SLC25A21: variants seen among roughly 807,000 people sequenced by gnomAD.
SLC25A21 encodes mitochondrial 2-oxodicarboxylate carrier.
Under a neutral mutation model 43.8 loss-of-function variants are expected in SLC25A21, and 47 were observed. The ratio of observed to expected loss-of-function variants is 1.07; its 90% confidence interval spans 0.85 to 1.37. The LOEUF is 1.37. Among genes scored for constraint, SLC25A21 ranks in the 40% most tolerant of loss-of-function variants. SLC25A21 has a pLI of 0.00. For synonymous variants in SLC25A21, 131 were observed against 121.3 expected, an observed-to-expected ratio of 1.08 and a Z score of -0.52; for missense variants, 352 against 350.2, an observed-to-expected ratio of 1.00 and a Z score of -0.04.
At chr14:37,148,356 A>G (rs1963703721) in intron 1 of SLC25A21, among the ~76,000 whole-genome samples, 1 of 152,200 alleles carries the variant, frequency 6.6e-6, no homozygotes, top group Non-Finnish European at 1.5e-5. Flanking sequence ...ATTGTATGTC[A>G]GATTTCTATT....
intron 1 of SLC25A21, among the ~76,000 whole-genome samples, chr14:37,013,466 T>C (rs1240459729): frequency 6.6e-6 from 1 of 152,202 alleles, no homozygotes; most frequent in Non-Finnish European, 1.5e-5. Context: ...AGTTTTCTCC[T>C]TAGCTTTCTG....
intron 1 of SLC25A21, among the ~76,000 whole-genome samples, chr14:36,887,836 A>G (rs1164169404): frequency 6.6e-6 from 1 of 152,090 alleles, no homozygotes; most frequent in Non-Finnish European, 1.5e-5. Flanking sequence ...ACTTCTATGG[A>G]ATTAGTTTTC....
intron 1 of SLC25A21, among the ~76,000 whole-genome samples, chr14:37,107,291 C>T (rs1241344184): frequency 6.6e-6 from 1 of 152,142 alleles, no homozygotes; most frequent in South Asian, 2.1e-4. Flanking sequence ...AATCCTCCCA[C>T]CTCATTCTCC....
chr14:36,689,766 G>T (rs1195213231), intron 7 of SLC25A21, among the ~76,000 whole-genome samples: 2 of 152,196 alleles, frequency 1.3e-5, no homozygotes, highest in Non-Finnish European at 2.9e-5. Context: ...TCTGGGAATG[G>T]AGCCCAGCTA....
chr14:36,904,298 G>A (rs542202147), intron 1 of SLC25A21, among the ~76,000 whole-genome samples: 7 of 152,268 alleles, frequency 4.6e-5, no homozygotes, highest in Non-Finnish European at 8.8e-5. Context: ...GCAACTCAAA[G>A]GGCCATCTAG....
chr14:36,837,532 G>C (rs903890567), intron 2 of SLC25A21, among the ~76,000 whole-genome samples: 1 of 152,172 alleles, frequency 6.6e-6, no homozygotes, highest in African/African-American at 2.4e-5. Flanking sequence ...GGGTGACACT[G>C]AGGTTGAAAG....
chr14:37,036,827 A>G (rs1016263451), intron 1 of SLC25A21, among the ~76,000 whole-genome samples: 1 of 152,186 alleles, frequency 6.6e-6, no homozygotes, highest in African/African-American at 2.4e-5. Flanking sequence ...AGGGGAGAAG[A>G]AAGCCTGAGA....
chr14:36,885,016 C>T (rs79814381), intron 1 of SLC25A21, among the ~76,000 whole-genome samples: 2,628 of 152,212 alleles, frequency 0.017, 79 homozygotes, highest in African/African-American at 0.058. Flanking sequence ...GCTGCCTGCG[C>T]TTTTGGGGAT....
At chr14:37,043,550 T>G (rs1032025432) in intron 1 of SLC25A21, among the ~76,000 whole-genome samples, 12 of 152,160 alleles carry the variant, frequency 7.9e-5, no homozygotes, top group Non-Finnish European at 1.6e-4. Flanking sequence ...CCAGTTGCCT[T>G]TGCTTACTTG....
chr14:36,867,869 A>T (rs888394143), intron 2 of SLC25A21, among the ~76,000 whole-genome samples: 1 of 151,504 alleles, frequency 6.6e-6, no homozygotes, highest in Non-Finnish European at 1.5e-5. Flanking sequence ...TATTGCTCCT[A>T]TTTAAATATG....
At chr14:36,780,369 T>C (rs1221349142) in intron 3 of SLC25A21, among the ~76,000 whole-genome samples, 1 of 152,090 alleles carries the variant, frequency 6.6e-6, no homozygotes, top group Non-Finnish European at 1.5e-5. Flanking sequence ...TAGCTCCTAC[T>C]ACTTTTGCCC....
intron 3 of SLC25A21, among the ~76,000 whole-genome samples, chr14:36,785,475 C>G (rs1887214786): frequency 1.3e-5 from 2 of 152,112 alleles, no homozygotes; most frequent in Non-Finnish European, 1.5e-5. Flanking sequence ...TCTCATCTAC[C>G]CTGGAGGGAT....
Position 36,678,836 on chromosome 14 carries a change from G to A in SLC25A21, c.*1822C>T. 1 of 981,206 alleles carries A rather than the reference G, an allele frequency of 1.0e-6. No individual in the cohort carries two copies. Among genetic ancestry groups the A allele is most frequent in the East Asian group, 9.1e-5 (1 of 11,010 alleles). 60.8% of individuals were successfully genotyped at this position (981,206 alleles called of 1,614,324 possible). A position where few individuals can be genotyped will look rare whatever the true frequency, so the allele number is the denominator to read the frequency against. On this transcript the variant is annotated 3_prime_UTR_variant, in exon 10 of 10. Coordinates refer to ENST00000331299, the MANE Select transcript of SLC25A21 (RefSeq NM_030631.4). ...CTAGGTCTTAACAGTGAATTCACAT[G>A]GAGTAATTTTTAAAAGATATCAGAT...
At chr14:36,861,498 T>C (rs1022714587) in intron 2 of SLC25A21, among the ~76,000 whole-genome samples, 2 of 152,124 alleles carry the variant, frequency 1.3e-5, no homozygotes. Context: ...CACTTTCAGG[T>C]TTTCTCACGC....
intron 3 of SLC25A21, among the ~76,000 whole-genome samples, chr14:36,736,204 G>A (rs1402778157): frequency 1.3e-5 from 2 of 152,006 alleles, no homozygotes; most frequent in African/African-American, 2.4e-5. Flanking sequence ...CAAAGTGCTG[G>A]GATTACAGGC....
intron 1 of SLC25A21, among the ~76,000 whole-genome samples, chr14:37,132,737 T>A (rs8016558): frequency 0.13 from 11,917 of 93,676 alleles, 1,596 homozygotes; most frequent in African/African-American, 0.32. Context: ...ATAGCTATAT[T>A]TTTTTTTTTT....
rs1043962846 is a variant in SLC25A21 at position 36,734,509 on chromosome 14, T to A, written c.268A>T (p.Lys90Ter). ...GTGCGAACGCATGCAATGCTTACCT[T>A]CACTGCTCTTTTTGGGGTTTCAGCC... ...ILAETPKRAV[K>*]FFTFEQYKKL... The change falls in exon 4 of 10, where the codon AAG becomes TAG. Residue 90 changes from lysine (K) to a stop codon, truncating the protein, a stop_gained and splice_region_variant. Coordinates refer to ENST00000331299, the MANE Select transcript of SLC25A21 (RefSeq NM_030631.4). LOFTEE classifies it high-confidence loss of function. 6.2e-7 allele frequency: 1 copy of A among 1,606,572 alleles called. No homozygotes were observed. The highest frequency in any genetic ancestry group is 1.3e-5 in the African/African-American group (1 of 74,948).
chr14:36,978,869 T>C (rs1333318727), intron 1 of SLC25A21, among the ~76,000 whole-genome samples: 2 of 152,142 alleles, frequency 1.3e-5, no homozygotes, highest in African/African-American at 2.4e-5. Flanking sequence ...CCCGCTGTTC[T>C]AAGTCTTCAA....
At chr14:37,104,526 T>C (rs1289397291) in intron 1 of SLC25A21, among the ~76,000 whole-genome samples, 1 of 152,244 alleles carries the variant, frequency 6.6e-6, no homozygotes, top group African/African-American at 2.4e-5. Flanking sequence ...TCCTTTGGCA[T>C]TATTTTCTAA....
Sources: gnomAD v4.1 joint callset for allele counts (sites outside exome capture counted in the v4.1 genomes callset) on GRCh38, gnomAD v4.1.1 for gene constraint, MANE v1.5 for transcripts, NCBI Gene and HGNC (gene_info 2026-07-23, HGNC 2026-07-21) for gene names.